NMU: variants seen among roughly 807,000 people sequenced by gnomAD.
NMU encodes the protein neuromedin U, also known as neuromedin-U.
Under a neutral mutation model 35.4 loss-of-function variants are expected in NMU, and 29 were observed. That is an observed-to-expected ratio of 0.82 (90% CI 0.61 to 1.12). The LOEUF (loss-of-function observed/expected upper bound fraction) is 1.12, where lower values mean the gene tolerates loss of function less well. Among genes scored for constraint, NMU ranks in the 50% most tolerant of loss-of-function variants. The pLI is 0.00. For missense variants in NMU, 199 were observed against 206.2 expected, an observed-to-expected ratio of 0.97 and a Z score of 0.21; for synonymous variants, 78 against 81.3, an observed-to-expected ratio of 0.96 and a Z score of 0.22.
intron 2 of NMU, among the ~76,000 whole-genome samples, chr4:55,617,820 C>G (rs1051526375): frequency 1.3e-5 from 2 of 152,168 alleles, no homozygotes; most frequent in Non-Finnish European, 2.9e-5. Flanking sequence ...ACTGTCCACC[C>G]ACAGACCAGG....
chr4:55,627,832 C>T (rs1310684814), intron 2 of NMU, among the ~76,000 whole-genome samples: 2 of 152,054 alleles, frequency 1.3e-5, no homozygotes, highest in Non-Finnish European at 2.9e-5. Context: ...TTGCTTATCT[C>T]GATAGTGACA....
At chr4:55,614,731 G>A (rs987174705) in intron 3 of NMU, among the ~76,000 whole-genome samples, 2 of 152,180 alleles carry the variant, frequency 1.3e-5, no homozygotes, top group African/African-American at 4.8e-5. Flanking sequence ...GTTTAAATGA[G>A]TGCTTTAAAA....
intron 7 of NMU, among the ~76,000 whole-genome samples, chr4:55,602,173 A>G (rs1344784645): frequency 6.6e-6 from 1 of 152,198 alleles, no homozygotes; most frequent in East Asian, 1.9e-4. Flanking sequence ...ATCATATAAA[A>G]TAATTTGGGA....
intron 1 of NMU, among the ~76,000 whole-genome samples, chr4:55,633,377 C>T (rs1257218768): frequency 6.6e-6 from 1 of 151,242 alleles, no homozygotes; most frequent in Admixed American, 6.6e-5. Context: ...TATGACTGAA[C>T]CCAAACATAA....
chr4:55,626,605 G>A (rs1380853982), intron 2 of NMU, among the ~76,000 whole-genome samples: 2 of 152,202 alleles, frequency 1.3e-5, no homozygotes, highest in Non-Finnish European at 1.5e-5. Flanking sequence ...TACTCAGGAG[G>A]CTGAGACACG....
intron 7 of NMU, among the ~76,000 whole-genome samples, chr4:55,603,943 A>G (rs1336482279): frequency 2.1e-5 from 3 of 140,278 alleles, no homozygotes; most frequent in Non-Finnish European, 3.1e-5. Context: ...ATATATATAT[A>G]TATGTATATA....
intron 1 of NMU, among the ~76,000 whole-genome samples, chr4:55,631,782 C>T (rs1263654397): frequency 1.3e-5 from 2 of 152,170 alleles, no homozygotes; most frequent in African/African-American, 4.8e-5. Context: ...AAAAGTAGAT[C>T]TACAGTTTGA....
chr4:55,600,624 GT>G, intron 7 of NMU, 49 bp from the exon 8 acceptor site: 3 of 1,320,854 alleles, frequency 2.3e-6, no homozygotes, highest in Non-Finnish European at 3.3e-6. Flanking sequence ...CTAAAAATAA[GT>G]GCAAATTCTC....
At chr4:55,598,660 A>G (rs1178696595) in intron 9 of NMU, among the ~76,000 whole-genome samples, 1 of 152,212 alleles carries the variant, frequency 6.6e-6, no homozygotes, top group Non-Finnish European at 1.5e-5. Context: ...CACATTTTAA[A>G]ATATTCTCTA....
At chr4:55,616,479 A>C in intron 2 of NMU, 94 bp from the exon 3 acceptor site, 1 of 920,694 alleles carries the variant, frequency 1.1e-6, no homozygotes, top group Non-Finnish European at 1.8e-6. Flanking sequence ...TGGAACATTA[A>C]CCACAGTTCC....
rs573886467 is a variant in NMU at position 55,619,943 on chromosome 4, CA to C, written c.172-3559del. ...AAGGCAGGGTATTCCAACAGACCTG[CA>C]GCTGAGGGCCCTGTCTGTTAGAAGG... On this transcript the variant is annotated intron_variant, in intron 2 of 9. Transcript: ENST00000264218. 4.2e-3 allele frequency among the ~76,000 whole-genome samples: 612 copies of C among 145,656 alleles called. 12 individuals carry two copies. The highest frequency in any genetic ancestry group is 0.014 in the African/African-American group (562 of 40,280).
intron 2 of NMU, among the ~76,000 whole-genome samples, chr4:55,618,629 CTTT>C (rs771544896): frequency 2.0e-5 from 3 of 150,186 alleles, no homozygotes; most frequent in Non-Finnish European, 3.0e-5. Flanking sequence ...CCTCTTTCTT[CTTT>C]CTTTTCTTCT....
intron 3 of NMU, among the ~76,000 whole-genome samples, chr4:55,610,167 T>A (rs879585885): frequency 1.3e-5 from 2 of 152,024 alleles, no homozygotes; most frequent in African/African-American, 2.4e-5. Flanking sequence ...AATTTAGAAG[T>A]TAAATGAAAA....
intron 1 of NMU, among the ~76,000 whole-genome samples, chr4:55,632,270 T>C (rs1389691294): frequency 6.6e-6 from 1 of 151,626 alleles, no homozygotes; most frequent in Non-Finnish European, 1.5e-5. Context: ...TTGCATATCC[T>C]GATAGATTTT....
intron 7 of NMU, among the ~76,000 whole-genome samples, chr4:55,603,868 C>T (rs1419763655): frequency 2.1e-5 from 3 of 139,570 alleles, no homozygotes; most frequent in Non-Finnish European, 4.5e-5. Context: ...GCCGAGATCA[C>T]GCCACTGCAC....
rs187676546 is a variant in NMU at position 55,600,491 on chromosome 4, T to A, written c.489+31A>T. 3,214 of 1,423,734 alleles carry A rather than the reference T, an allele frequency of 2.3e-3. 46 individuals are homozygous for A. In the African/African-American group the frequency reaches 0.031, roughly 14 times the overall value. 88.2% of individuals were successfully genotyped at this position (1,423,734 alleles called of 1,614,324 possible). A position where few individuals can be genotyped will look rare whatever the true frequency, so the allele number is the denominator to read the frequency against. ...ACATATTTTTAAATTTTGGTGTAGA[T>A]TGATTTTTTAAAAATACAGTATGTA... On this transcript the variant is annotated intron_variant, in intron 8 of 9. Coordinates refer to ENST00000264218, the MANE Select transcript of NMU (RefSeq NM_006681.4).
Position 55,636,066 on chromosome 4 carries a change from G to T in NMU, c.112+15C>A. 2 of 1,531,374 alleles carry T rather than the reference G, an allele frequency of 1.3e-6. No individual in the cohort carries two copies. The highest frequency in any genetic ancestry group is 1.7e-6 in the Non-Finnish European group (2 of 1,145,448). 94.9% of individuals were successfully genotyped at this position (1,531,374 alleles called of 1,614,324 possible). A position where few individuals can be genotyped will look rare whatever the true frequency, so the allele number is the denominator to read the frequency against. On this transcript the variant is annotated intron_variant, in intron 1 of 9. Transcript: ENST00000264218. The surrounding 1 kb of genome is among the most constrained non-coding windows in gnomAD (Gnocchi z 4.0). ...GCGCATGGCGTGGAAGCGGCCGGGT[G>T]CGGGGCCGTCTTACCTCGGCAGGCG...
At chr4:55,603,943 A>ATG (rs1733542872) in intron 7 of NMU, among the ~76,000 whole-genome samples, 4 of 140,286 alleles carry the variant, frequency 2.9e-5, no homozygotes, top group Non-Finnish European at 6.2e-5. Flanking sequence ...ATATATATAT[A>ATG]TATGTATATA....
intron 2 of NMU, among the ~76,000 whole-genome samples, chr4:55,625,119 G>T (rs1577959572): frequency 9.1e-6 from 1 of 109,662 alleles, no homozygotes; most frequent in Admixed American, 1.2e-4. Context: ...GTATACATAT[G>T]TAACTAACCT....
Sources: gnomAD v4.1 joint callset for allele counts (sites outside exome capture counted in the v4.1 genomes callset) on GRCh38, gnomAD v4.1.1 for gene constraint, Gnocchi (gnomAD v3.1) non-coding constraint, MANE v1.5 for transcripts, NCBI Gene and HGNC (gene_info 2026-07-23, HGNC 2026-07-21) for gene names.